Variants in PM20D1 observed in about 807,000 individuals in gnomAD.
The protein encoded by PM20D1 is N-fatty-acyl-amino acid synthase/hydrolase PM20D1.
Under a neutral mutation model 53.8 loss-of-function variants are expected in PM20D1, and 53 were observed. That is an observed-to-expected ratio of 0.98 (90% confidence interval 0.79 to 1.24). PM20D1 has a LOEUF of 1.24. PM20D1 is among the 50% of genes most tolerant of loss of function. The pLI is 0.00. For missense variants in PM20D1, 564 were observed against 616.8 expected (o/e 0.91, Z 0.91); for synonymous variants, 239 against 241.3 (o/e 0.99, Z 0.09).
chr1:205,844,080 T>C lies in PM20D1; in HGVS notation c.707+7A>G, dbSNP rs369353686. 5 of 1,606,786 alleles carry C rather than the reference T, an allele frequency of 3.1e-6. No individual in the cohort carries two copies. In the African/African-American group the frequency reaches 5.3e-5, roughly 17 times the overall value. On this transcript the variant is annotated splice_region_variant and intron_variant, in intron 5 of 12. Transcript: ENST00000367136. ...CTCCAAGGTGTGGGGTGGGATGCTT[T>C]ACTCACAAGGCGATGGGCTTCTTGA...
chr1:205,833,894 C>T (rs1269243074), intron 10 of PM20D1, among the ~76,000 whole-genome samples: 1 of 151,960 alleles, frequency 6.6e-6, no homozygotes, highest in African/African-American at 2.4e-5. Flanking sequence ...GTCGCCCAGG[C>T]TGGAGTGCAG....
chr1:205,844,290 C>A (rs960417137), intron 4 of PM20D1, 73 bp from the exon 5 acceptor site: 1 of 1,459,780 alleles, frequency 6.9e-7, no homozygotes, highest in South Asian at 1.6e-5. Flanking sequence ...TAATGGGGAC[C>A]TATTCAGCCT....
chr1:205,841,927 C>G lies in PM20D1; in HGVS notation c.966-38G>C, dbSNP rs74143854. The G allele has an allele frequency of 2.8e-5, 43 of 1,528,414 alleles. No individual in the cohort carries two copies. The South Asian group carries it at 4.4e-4, about 16-fold the overall frequency. 94.7% of individuals were successfully genotyped at this position (1,528,414 alleles called of 1,614,324 possible). A position where few individuals can be genotyped will look rare whatever the true frequency, so the allele number is the denominator to read the frequency against. ...GACCAAGGTCAGATGTTAGAAAGAA[C>G]CAATGGGGTGAAGGAAAGGGCGGAA... On this transcript the variant is annotated intron_variant, in intron 8 of 12. Transcript: ENST00000367136.
intron 9 of PM20D1, among the ~76,000 whole-genome samples, 191 bp from the exon 10 acceptor site, chr1:205,840,514 G>C (rs10900525): frequency 0.58 from 87,884 of 152,076 alleles, 25,903 homozygotes; most frequent in Non-Finnish European, 0.62. Context: ...GAGCTGAAGG[G>C]GTGTCTCTGC....
At chr1:205,842,274 G>A in intron 7 of PM20D1, 59 bp from the exon 8 acceptor site, 1 of 1,470,024 alleles carries the variant, frequency 6.8e-7, no homozygotes, top group Non-Finnish European at 9.5e-7. Context: ...GGGTCTCTGA[G>A]ACCTGAGTCT....
intron 8 of PM20D1, 31 bp downstream of exon 8, chr1:205,842,123 G>A (rs571447523): frequency 1.3e-6 from 2 of 1,588,492 alleles, no homozygotes; most frequent in African/African-American, 1.3e-5. Flanking sequence ...TTGAGGTGAG[G>A]GATGTGAAAA....
In PM20D1 at chr1:205,844,104, G is replaced by T; in HGVS notation, c.690C>A (p.Phe230Leu). The T allele has an allele frequency of 6.2e-7, 1 of 1,613,104 alleles. No homozygotes were observed. The highest frequency in any genetic ancestry group is 8.5e-7 in the Non-Finnish European group (1 of 1,179,590). The change falls in exon 5 of 13, where the codon TTC (phenylalanine) becomes TTA (leucine). Residue 230 changes from phenylalanine to leucine, a missense_variant. Phe to Leu is a conservative substitution (Grantham distance 22). Coordinates refer to ENST00000367136, the MANE Select transcript of PM20D1 (RefSeq NM_152491.5). ...GFILDDFIPN[F>L]KKPIALIAVS... is the part of the protein sequence containing the mutation. The stretch of plus-strand genomic sequence containing the variant: ...TTACTCACAAGGCGATGGGCTTCTT[G>T]AAGTTAGGAATGAAATCATCCAAGA...
chr1:205,831,172 G>A (rs78719150), intron 11 of PM20D1, among the ~76,000 whole-genome samples: 5,628 of 152,248 alleles, frequency 0.037, 137 homozygotes, highest in Non-Finnish European at 0.054. Flanking sequence ...GTGCCCATAG[G>A]TGTGTTCTTT....
intron 7 of PM20D1, among the ~76,000 whole-genome samples, chr1:205,842,467 G>A (rs1656834687): frequency 6.6e-6 from 1 of 152,182 alleles, no homozygotes; most frequent in Admixed American, 6.5e-5. Flanking sequence ...CTCCCAAAGG[G>A]TAGATTAGGT....
intron 10 of PM20D1, among the ~76,000 whole-genome samples, chr1:205,835,847 A>T (rs1285157102): frequency 6.6e-6 from 1 of 152,032 alleles, no homozygotes; most frequent in Non-Finnish European, 1.5e-5. Context: ...GTGACTTTAG[A>T]GCACACGAAT....
intron 2 of PM20D1, among the ~76,000 whole-genome samples, chr1:205,846,323 T>G (rs1656979795): frequency 1.3e-5 from 2 of 150,918 alleles, no homozygotes; most frequent in African/African-American, 4.9e-5. Context: ...GAGGTGGAGG[T>G]TGCAGTGAGC....
chr1:205,842,244 G>A (rs1241618764), intron 7 of PM20D1, 29 bp from the exon 8 acceptor site: 2 of 1,590,142 alleles, frequency 1.3e-6, no homozygotes, highest in East Asian at 2.2e-5. Flanking sequence ...AGCACCACAG[G>A]GTCACCTCTA....
chr1:205,844,978 C>T (rs1656915656), intron 3 of PM20D1, 81 bp from the exon 4 acceptor site: 12 of 1,231,314 alleles, frequency 9.7e-6, no homozygotes, highest in East Asian at 2.3e-5. Flanking sequence ...ATTCAGTTGC[C>T]TGTTATCAGG....
At chr1:205,832,904 G>A (rs1656595273) in intron 10 of PM20D1, 138 bp from the exon 11 acceptor site, 3 of 984,970 alleles carry the variant, frequency 3.0e-6, no homozygotes, top group South Asian at 4.1e-5. Context: ...TTTAAGCACT[G>A]GGACTTCAAT....
intron 8 of PM20D1, 97 bp downstream of exon 8, chr1:205,842,057 G>T: frequency 7.7e-7 from 1 of 1,306,262 alleles, no homozygotes. Flanking sequence ...GGTGGCTGAG[G>T]GATGATTAGT....
At chr1:205,834,271 T>G (rs1042304246) in intron 10 of PM20D1, among the ~76,000 whole-genome samples, 1 of 151,978 alleles carries the variant, frequency 6.6e-6, no homozygotes, top group Non-Finnish European at 1.5e-5. Context: ...TTCTCCTGCC[T>G]TAGCCTCCCA....
intron 10 of PM20D1, among the ~76,000 whole-genome samples, chr1:205,838,376 C>T (rs954206): frequency 0.24 from 36,388 of 152,158 alleles, 5,216 homozygotes; most frequent in East Asian, 0.48. Context: ...CACCCTTCAG[C>T]TTTCAGCTTA....
Position 205,828,645 on chromosome 1 carries a change from G to A in PM20D1, c.1484C>T (p.Pro495Leu), listed in dbSNP as rs1248803610. ...TCACAGTTTGTGCAGGTGAGAAACTGGCTCCTGGTCTGTGTCAGCATTCTG... is the reference window on the plus strand; with the variant it reads ...TCACAGTTTGTGCAGGTGAGAAACTAGCTCCTGGTCTGTGTCAGCATTCTG... ...LIQNADTDQE[P>L]VSHLHKL Residue 495 changes from proline (P) to leucine (L), a missense_variant, in exon 13 of 13, where the codon CCA (proline) becomes CTA (leucine). Pro to Leu is a moderately conservative substitution (Grantham distance 98). Coordinates refer to ENST00000367136, the MANE Select transcript of PM20D1 (RefSeq NM_152491.5). The A allele has an allele frequency of 6.2e-7, 1 of 1,614,178 alleles. No individual in the cohort carries two copies. Among genetic ancestry groups the A allele is most frequent in the South Asian group, 1.1e-5 (1 of 91,084 alleles).
intron 10 of PM20D1, among the ~76,000 whole-genome samples, chr1:205,838,051 C>T (rs1016117346): frequency 3.3e-5 from 5 of 152,078 alleles, no homozygotes; most frequent in Admixed American, 3.3e-4. Context: ...CAACCTTCTC[C>T]CCGCTCTACA....
Sources: allele counts gnomAD v4.1 joint callset (sites outside exome capture counted in the v4.1 genomes callset), GRCh38; gene constraint gnomAD v4.1.1; transcripts MANE v1.5; gene names NCBI Gene and HGNC (gene_info 2026-07-23, HGNC 2026-07-21).